PLEKHG1: variants seen among roughly 807,000 people sequenced by gnomAD.
PLEKHG1 encodes pleckstrin homology and RhoGEF domain containing G1.
Under a neutral mutation model 100.8 loss-of-function variants are expected in PLEKHG1, and 44 were observed. That is an observed-to-expected ratio of 0.44 (90% CI 0.34 to 0.56). The LOEUF (loss-of-function observed/expected upper bound fraction) is 0.56, where lower values mean the gene tolerates loss of function less well. Among genes scored for constraint, PLEKHG1 ranks in the 20% least tolerant of loss-of-function variants. PLEKHG1 has a pLI of 0.01. For synonymous variants in PLEKHG1, 640 were observed against 662.5 expected (o/e 0.97, Z 0.52); for missense variants, 1,545 against 1,720.9 (o/e 0.90, Z 1.81).
At chr6:150,726,028 GC>G (rs1781948511) in intron 1 of PLEKHG1, among the ~76,000 whole-genome samples, 1 of 152,134 alleles carries the variant, frequency 6.6e-6, no homozygotes, top group African/African-American at 2.4e-5. Flanking sequence ...AAGGGCAAAT[GC>G]CACCTGACAC....
chr6:150,736,047 C>T (rs937023754), intron 2 of PLEKHG1, among the ~76,000 whole-genome samples: 1 of 152,156 alleles, frequency 6.6e-6, no homozygotes, highest in Admixed American at 6.5e-5. Context: ...TGAGCTTTTT[C>T]TAGGCAGGGC....
exon 16 of PLEKHG1, chr6:150,840,746 C>A: frequency 6.2e-7 from 1 of 1,614,206 alleles, no homozygotes; most frequent in Non-Finnish European, 8.5e-7. Flanking sequence ...CGGTTAACAG[C>A]AAACTTGGCC....
chr6:150,735,730 G>A (rs1301640482), intron 2 of PLEKHG1, among the ~76,000 whole-genome samples: 1 of 152,152 alleles, frequency 6.6e-6, no homozygotes, highest in Non-Finnish European at 1.5e-5. Context: ...GGTTATTAAA[G>A]CTTTCTTTGG....
intron 2 of PLEKHG1, among the ~76,000 whole-genome samples, chr6:150,642,198 T>C (rs1320860961): frequency 6.6e-6 from 1 of 152,234 alleles, no homozygotes; most frequent in Admixed American, 6.5e-5. Flanking sequence ...CCAGCTGAAT[T>C]CTGTTCATTT....
At chr6:150,828,619 A>C (rs940839724) in intron 14 of PLEKHG1, among the ~76,000 whole-genome samples, 5 of 147,814 alleles carry the variant, frequency 3.4e-5, no homozygotes, top group Admixed American at 3.4e-4. Context: ...TTGTATGGCA[A>C]AAAAAAAAAA....
chr6:150,721,399 A>ATT (rs11374899), intron 1 of PLEKHG1, among the ~76,000 whole-genome samples: 1 of 151,636 alleles, frequency 6.6e-6, no homozygotes, highest in Non-Finnish European at 1.5e-5. Flanking sequence ...CTGGAAGATG[A>ATT]TTTTTTTCTC....
intron 2 of PLEKHG1, among the ~76,000 whole-genome samples, chr6:150,759,212 T>C (rs1784022592): frequency 6.6e-6 from 1 of 152,194 alleles, no homozygotes. Context: ...GGTTGAAAGC[T>C]GGTGTGCTTG....
intron 2 of PLEKHG1, among the ~76,000 whole-genome samples, chr6:150,647,404 A>G (rs761755401): frequency 4.6e-5 from 7 of 152,216 alleles, no homozygotes; most frequent in Non-Finnish European, 7.4e-5. Flanking sequence ...CCTATTTTAG[A>G]CACTGTAGTT....
chr6:150,662,160 T>C (rs1779219812), intron 3 of PLEKHG1, among the ~76,000 whole-genome samples: 1 of 152,126 alleles, frequency 6.6e-6, no homozygotes, highest in Non-Finnish European at 1.5e-5. Flanking sequence ...GATAAGGAAA[T>C]GTTTTTCTCC....
intron 3 of PLEKHG1, among the ~76,000 whole-genome samples, chr6:150,669,561 C>T (rs988081567): frequency 4.7e-5 from 7 of 150,288 alleles, no homozygotes; most frequent in East Asian, 1.9e-4. Flanking sequence ...TTAGTCCTTT[C>T]GGCATCATCC....
chr6:150,690,126 A>G (rs1780292113), intron 3 of PLEKHG1, among the ~76,000 whole-genome samples: 1 of 152,160 alleles, frequency 6.6e-6, no homozygotes, highest in Non-Finnish European at 1.5e-5. Flanking sequence ...ACTGAGGGTG[A>G]TGGGAGTCTC....
intron 1 of PLEKHG1, among the ~76,000 whole-genome samples, chr6:150,627,509 T>TA (rs558771243): frequency 2.0e-5 from 3 of 151,398 alleles, no homozygotes; most frequent in Admixed American, 6.6e-5. Context: ...CAGTGGCCTT[T>TA]AAAAAAAAAT....
chr6:150,778,681 CT>C (rs1785126001), intron 3 of PLEKHG1, among the ~76,000 whole-genome samples: 1 of 152,198 alleles, frequency 6.6e-6, no homozygotes, highest in Non-Finnish European at 1.5e-5. Context: ...TGTCCACCTT[CT>C]TTACCCCTGT....
At chr6:150,788,045 T>C (rs1478519363) in intron 4 of PLEKHG1, among the ~76,000 whole-genome samples, 1 of 152,254 alleles carries the variant, frequency 6.6e-6, no homozygotes, top group Non-Finnish European at 1.5e-5. Flanking sequence ...GTTTGGGCTT[T>C]TACTGGTAAC....
chr6:150,614,515 C>T (rs141402738), intron 1 of PLEKHG1, among the ~76,000 whole-genome samples: 26 of 152,234 alleles, frequency 1.7e-4, no homozygotes, highest in Admixed American at 1.4e-3. Context: ...GTGGTCTTTC[C>T]ACTGTCATCA....
At chr6:150,629,903 C>T (rs535158021) in intron 1 of PLEKHG1, among the ~76,000 whole-genome samples, 4 of 152,058 alleles carry the variant, frequency 2.6e-5, no homozygotes, top group African/African-American at 9.6e-5. Context: ...TTATACTTTT[C>T]TGTATTTTGG....
At chr6:150,696,866 G>C (rs1368070106) in intron 3 of PLEKHG1, among the ~76,000 whole-genome samples, 1 of 152,160 alleles carries the variant, frequency 6.6e-6, no homozygotes, top group Non-Finnish European at 1.5e-5. Flanking sequence ...ACAGCACTTT[G>C]GGAGGCCAAG....
chr6:150,726,893 T>C (rs1781988156), intron 1 of PLEKHG1, among the ~76,000 whole-genome samples: 1 of 152,224 alleles, frequency 6.6e-6, no homozygotes, highest in Admixed American at 6.5e-5. Flanking sequence ...ATCTTTGAAA[T>C]ATATAAATGT....
At chr6:150,786,416 G>A (rs1785625246) in exon 4 of PLEKHG1, 1 of 1,613,256 alleles carries the variant, frequency 6.2e-7, no homozygotes, top group African/African-American at 1.3e-5. Flanking sequence ...TTGGAAAACT[G>A]TGAAAATGAT....
Sources: allele counts gnomAD v4.1 joint callset (sites outside exome capture counted in the v4.1 genomes callset), GRCh38; gene constraint gnomAD v4.1.1; transcripts MANE v1.5; gene names NCBI Gene and HGNC (gene_info 2026-07-23, HGNC 2026-07-21).